CSMD1: variants seen among roughly 807,000 people sequenced by gnomAD.
CSMD1 encodes CUB and Sushi multiple domains 1.
In CSMD1, 213 loss-of-function variants were observed where a neutral mutation model predicts 417.5. The ratio of observed to expected loss-of-function variants is 0.51; its 90% confidence interval spans 0.46 to 0.57. The LOEUF is 0.57. CSMD1 is among the 20% of genes least tolerant of loss of function. The pLI, the probability that CSMD1 is intolerant of heterozygous loss-of-function variation, is 0.00. For synonymous variants in CSMD1, 2,862 were observed against 1,736.8 expected (o/e 1.65, Z -16.11); for missense variants, 6,923 against 4,529.7 (o/e 1.53, Z -15.17).
intron 3 of CSMD1, among the ~76,000 whole-genome samples, chr8:4,257,120 C>G (rs1402444039): frequency 1.3e-5 from 2 of 152,168 alleles, no homozygotes; most frequent in East Asian, 3.8e-4. Context: ...CTATATGAGT[C>G]ATACTCACCA....
chr8:3,970,865 C>T (rs1813033041), intron 5 of CSMD1, among the ~76,000 whole-genome samples: 1 of 152,130 alleles, frequency 6.6e-6, no homozygotes, highest in South Asian at 2.1e-4. Context: ...CATTCTCCTG[C>T]CTCAGCCTCC....
intron 3 of CSMD1, among the ~76,000 whole-genome samples, chr8:4,232,831 C>T (rs1700044): frequency 1 from 152,065 of 152,262 alleles, 75,934 homozygotes; most frequent in Middle Eastern, 1. Flanking sequence ...ACAAACATTA[C>T]TTTATTTATT....
chr8:4,453,767 G>A (rs1159311166), intron 2 of CSMD1, among the ~76,000 whole-genome samples: 5 of 146,422 alleles, frequency 3.4e-5, no homozygotes, highest in East Asian at 2.0e-4. Flanking sequence ...TTGAGCGAAC[G>A]CCTCAGCTTT....
intron 13 of CSMD1, among the ~76,000 whole-genome samples, chr8:3,408,932 C>G (rs1260398068): frequency 1.3e-5 from 2 of 152,144 alleles, no homozygotes; most frequent in Non-Finnish European, 1.5e-5. Flanking sequence ...AAAAACCTCT[C>G]CTTTAAAATC....
At chr8:4,324,827 A>G (rs918276580) in intron 3 of CSMD1, among the ~76,000 whole-genome samples, 1 of 152,234 alleles carries the variant, frequency 6.6e-6, no homozygotes, top group Non-Finnish European at 1.5e-5. Flanking sequence ...AGAGAACATA[A>G]GCAAGACAAA....
intron 7 of CSMD1, among the ~76,000 whole-genome samples, chr8:3,702,921 G>C (rs1800950260): frequency 6.6e-6 from 1 of 152,104 alleles, no homozygotes; most frequent in Admixed American, 6.6e-5. Flanking sequence ...ACCATTTCAG[G>C]GTGAGAAAGA....
chr8:4,601,204 C>A (rs1424897968), intron 2 of CSMD1, among the ~76,000 whole-genome samples: 4 of 152,174 alleles, frequency 2.6e-5, no homozygotes, highest in Non-Finnish European at 2.9e-5. Flanking sequence ...ATCCCCCACA[C>A]TTTGGCCGCC....
At chr8:4,278,867 T>C (rs890410870) in intron 3 of CSMD1, among the ~76,000 whole-genome samples, 2 of 152,186 alleles carry the variant, frequency 1.3e-5, no homozygotes, top group Admixed American at 6.5e-5. Context: ...TCAATTGCAG[T>C]ATGTATGTAA....
intron 3 of CSMD1, among the ~76,000 whole-genome samples, chr8:4,356,466 T>G (rs2128904678): frequency 6.6e-6 from 1 of 152,312 alleles, no homozygotes; most frequent in Non-Finnish European, 1.5e-5. Context: ...TGTAATGACT[T>G]CTTTTCCTCT....
intron 5 of CSMD1, among the ~76,000 whole-genome samples, chr8:3,764,989 C>T (rs1038694723): frequency 4.6e-5 from 7 of 152,048 alleles, no homozygotes; most frequent in Non-Finnish European, 1.5e-5. Context: ...AGGTGATCTG[C>T]CCACTTCGGC....
chr8:4,287,154 G>A lies in CSMD1; in HGVS notation c.415+132799C>T, dbSNP rs530034627. On this transcript the variant is annotated intron_variant, in intron 3 of 69. Coordinates refer to ENST00000635120, the MANE Select transcript of CSMD1 (RefSeq NM_033225.6). The stretch of plus-strand genomic sequence containing the variant: ...CTAGTCTGTTAATGTGGAACTATGT[G>A]GACAGATTCTGTGTAATTTAGAACT... Among the ~76,000 whole-genome samples the A allele has an allele frequency of 3.3e-5, 5 of 152,260 alleles. No homozygotes were observed. The South Asian group carries it at 1.0e-3, about 32-fold the overall frequency.
At chr8:4,082,937 C>T (rs1800218824) in intron 3 of CSMD1, among the ~76,000 whole-genome samples, 1 of 151,992 alleles carries the variant, frequency 6.6e-6, no homozygotes, top group African/African-American at 2.4e-5. Flanking sequence ...TTACAAAGGA[C>T]ATGAACTCAC....
chr8:4,306,139 G>T (rs897649522), intron 3 of CSMD1, among the ~76,000 whole-genome samples: 7 of 152,194 alleles, frequency 4.6e-5, no homozygotes, highest in African/African-American at 1.7e-4. Flanking sequence ...AGTCTGTGTA[G>T]ATTTTTAGAA....
intron 51 of CSMD1, 66 bp downstream of exon 51, chr8:3,029,253 T>G (rs542238416): frequency 3.0e-6 from 4 of 1,355,552 alleles, no homozygotes; most frequent in Admixed American, 2.2e-5. Context: ...AGCTCACCAC[T>G]GACATAAGCC....
At chr8:3,530,831 C>T (rs1046377193) in intron 10 of CSMD1, among the ~76,000 whole-genome samples, 1 of 150,670 alleles carries the variant, frequency 6.6e-6, no homozygotes, top group African/African-American at 2.4e-5. Context: ...GCCTGCCCTG[C>T]TGCAGTGAAT....
intron 1 of CSMD1, among the ~76,000 whole-genome samples, chr8:4,919,761 G>C (rs1215194437): frequency 2.0e-5 from 3 of 152,310 alleles, no homozygotes; most frequent in East Asian, 3.9e-4. Context: ...TGATTAGCCT[G>C]TGATGGCTGC....
intron 5 of CSMD1, among the ~76,000 whole-genome samples, chr8:3,772,124 A>G (rs569261685): frequency 6.7e-6 from 1 of 149,238 alleles, no homozygotes; most frequent in Non-Finnish European, 1.5e-5. Context: ...TCTAAACTGT[A>G]AATGAACACC....
At chr8:3,292,941 G>T (rs931136723) in intron 25 of CSMD1, among the ~76,000 whole-genome samples, 1 of 151,734 alleles carries the variant, frequency 6.6e-6, no homozygotes, top group Admixed American at 6.6e-5. Flanking sequence ...TTACATTTTG[G>T]CATGATTTTG....
At chr8:4,655,661 T>G (rs1039048805) in intron 1 of CSMD1, among the ~76,000 whole-genome samples, 4 of 151,970 alleles carry the variant, frequency 2.6e-5, no homozygotes, top group African/African-American at 7.3e-5. Flanking sequence ...ATCATTTAGA[T>G]GAAAAGTCAA....
Sources: allele counts gnomAD v4.1 joint callset (sites outside exome capture counted in the v4.1 genomes callset), GRCh38; gene constraint gnomAD v4.1.1; transcripts MANE v1.5; gene names NCBI Gene and HGNC (gene_info 2026-07-23, HGNC 2026-07-21).